VPS8: variants seen among roughly 807,000 people sequenced by gnomAD.
The protein encoded by VPS8 is VPS8 subunit of CORVET complex.
In VPS8, 129 loss-of-function variants were observed where a neutral mutation model predicts 216.4. The ratio of observed to expected loss-of-function variants is 0.60; its 90% CI spans 0.52 to 0.69. The LOEUF (loss-of-function observed/expected upper bound fraction) is 0.69, where lower values mean the gene tolerates loss of function less well. Ranked by LOEUF, VPS8 falls within the 30% of genes least tolerant of loss-of-function variation. The pLI, the probability that VPS8 is intolerant of heterozygous loss-of-function variation, is 0.00. For synonymous variants in VPS8, 571 were observed against 565.4 expected, an observed-to-expected ratio of 1.01 and a Z score of -0.14; for missense variants, 1,531 against 1,683.5, an observed-to-expected ratio of 0.91 and a Z score of 1.59.
At chr3:185,043,481 G>C (rs1163159634) in intron 46 of VPS8, among the ~76,000 whole-genome samples, 1 of 152,138 alleles carries the variant, frequency 6.6e-6, no homozygotes, top group Non-Finnish European at 1.5e-5. Flanking sequence ...TGATATGAGG[G>C]ATATCAACAC....
chr3:184,814,095 T>G (rs1483393532), intron 1 of VPS8, among the ~76,000 whole-genome samples: 1 of 152,276 alleles, frequency 6.6e-6, no homozygotes, highest in African/African-American at 2.4e-5. Context: ...TTCACTGTTA[T>G]GAATTTCTTA....
intron 8 of VPS8, among the ~76,000 whole-genome samples, chr3:184,845,677 C>T (rs907457044): frequency 6.6e-6 from 1 of 151,826 alleles, no homozygotes; most frequent in Non-Finnish European, 1.5e-5. Context: ...ATAGCTTGAA[C>T]CCGGGAAGCA....
chr3:184,823,400 A>G (rs769336698), intron 1 of VPS8, among the ~76,000 whole-genome samples: 9 of 152,178 alleles, frequency 5.9e-5, no homozygotes, highest in Non-Finnish European at 1.5e-5. Context: ...TGCCTTCACT[A>G]ACATGCACAA....
intron 36 of VPS8, among the ~76,000 whole-genome samples, chr3:184,944,960 G>A (rs1003257940): frequency 2.6e-5 from 4 of 151,906 alleles, no homozygotes; most frequent in African/African-American, 7.3e-5. Context: ...GATTATATAT[G>A]TTCATGAACT....
At chr3:184,939,029 C>T (rs1314136296) in intron 35 of VPS8, among the ~76,000 whole-genome samples, 1 of 53,458 alleles carries the variant, frequency 1.9e-5, no homozygotes, top group African/African-American at 6.1e-5. Flanking sequence ...GACCCTGTCT[C>T]AAAAAAAAAA....
Position 184,960,651 on chromosome 3 carries a change from TG to T in VPS8, c.3183+3131del, listed in dbSNP as rs1746355907. Among the ~76,000 whole-genome samples the T allele has an allele frequency of 1.1e-4, 16 of 152,334 alleles. No individual in the cohort carries two copies. The South Asian group carries it at 3.3e-3, about 32-fold the overall frequency. ...ATAAGCTGGTGTATTCTCTCTTTTT[TG>T]TATGCTTCAGGGACCCTCTGCAACA... On this transcript the variant is annotated intron_variant, in intron 37 of 47. Coordinates refer to ENST00000625842, the MANE Select transcript of VPS8 (RefSeq NM_001009921.3).
At chr3:184,873,962 C>G (rs565706649) in intron 21 of VPS8, among the ~76,000 whole-genome samples, 1 of 152,104 alleles carries the variant, frequency 6.6e-6, no homozygotes, top group Non-Finnish European at 1.5e-5. Context: ...AAAACGTGAC[C>G]TTCAGTGCAT....
rs1366255170 is a variant in VPS8, at chr3:184,860,208, G to A, written c.1224+143G>A. 1.7e-5 allele frequency: 12 copies of A among 718,228 alleles called. No homozygotes were observed. The Admixed American group carries it at 2.8e-4, about 16-fold the overall frequency. The allele number at this position is 718,228 out of a possible 1,614,324, so 44.5% of individuals were successfully genotyped here. A position where few individuals can be genotyped will look rare whatever the true frequency, so the allele number is the denominator to read the frequency against. On this transcript the variant is annotated intron_variant, in intron 15 of 47. Coordinates refer to ENST00000625842, the MANE Select transcript of VPS8 (RefSeq NM_001009921.3). Reference sequence around the variant, plus strand: ...TATGGACAGTCCGGCACCGAGGCTCGTGCCTGTAGTCCCAGCTACTTGGGA... The same window carrying A: ...TATGGACAGTCCGGCACCGAGGCTCATGCCTGTAGTCCCAGCTACTTGGGA...
intron 29 of VPS8, among the ~76,000 whole-genome samples, chr3:184,921,658 G>T (rs559075455): frequency 2.6e-5 from 4 of 151,906 alleles, no homozygotes; most frequent in Non-Finnish European, 5.9e-5. Flanking sequence ...ACTACTCCTG[G>T]GTTCAAGCAA....
intron 23 of VPS8, among the ~76,000 whole-genome samples, chr3:184,895,200 TA>T (rs1195550081): frequency 6.6e-6 from 1 of 152,190 alleles, no homozygotes; most frequent in African/African-American, 2.4e-5. Flanking sequence ...AGTTTACATT[TA>T]GAAGTTGCTC....
At chr3:184,970,660 T>C (rs528591955) in intron 39 of VPS8, among the ~76,000 whole-genome samples, 34 of 152,352 alleles carry the variant, frequency 2.2e-4, no homozygotes, top group African/African-American at 7.2e-4. Context: ...GTCTTTGCTC[T>C]GTTTACTTAG....
intron 21 of VPS8, among the ~76,000 whole-genome samples, chr3:184,884,236 C>T (rs186724444): frequency 1.1e-4 from 17 of 152,152 alleles, no homozygotes; most frequent in African/African-American, 3.9e-4. Context: ...CCCGACCCGC[C>T]GACAGACCCT....
intron 25 of VPS8, among the ~76,000 whole-genome samples, chr3:184,905,154 T>C (rs771398869): frequency 6.6e-6 from 1 of 152,158 alleles, no homozygotes; most frequent in African/African-American, 2.4e-5. Flanking sequence ...GGTAGAACCC[T>C]CATGACTTAA....
chr3:185,003,113 TA>T (rs1249885263), intron 45 of VPS8, among the ~76,000 whole-genome samples: 2 of 145,162 alleles, frequency 1.4e-5, no homozygotes, highest in East Asian at 2.0e-4. Flanking sequence ...CAACATCTAA[TA>T]TTTTTTTATT....
chr3:184,864,917 G>C (rs1417216621), intron 16 of VPS8, among the ~76,000 whole-genome samples: 2 of 152,082 alleles, frequency 1.3e-5, no homozygotes, highest in Non-Finnish European at 2.9e-5. Flanking sequence ...AGCAGACAAA[G>C]ACATAGTAGT....
intron 3 of VPS8, among the ~76,000 whole-genome samples, chr3:184,827,397 G>A (rs1429276167): frequency 1.3e-5 from 2 of 152,134 alleles, no homozygotes; most frequent in East Asian, 3.8e-4. Context: ...AGCATTTTTA[G>A]TTTTGATAAA....
chr3:185,027,129 C>G (rs189165756), intron 46 of VPS8, among the ~76,000 whole-genome samples: 2 of 151,846 alleles, frequency 1.3e-5, no homozygotes, highest in African/African-American at 4.8e-5. Context: ...TGATAGTTAC[C>G]GAACACCTTG....
At chr3:185,004,349 G>A (rs1179433291) in intron 45 of VPS8, among the ~76,000 whole-genome samples, 4 of 151,896 alleles carry the variant, frequency 2.6e-5, no homozygotes, top group Admixed American at 6.5e-5. Flanking sequence ...GCGTGGCGGC[G>A]CGCGCCCGCA....
rs186774987 is a variant in VPS8, at chr3:184,948,303, A to G, written c.3035+8060A>G. Among the ~76,000 whole-genome samples the G allele has an allele frequency of 1.1e-3, 173 of 152,136 alleles. 2 individuals are homozygous for G. Among genetic ancestry groups the G allele is most frequent in the African/African-American group, 4.0e-3 (166 of 41,512 alleles). ...TACCTTTAAAAGACTCTACAGGCCAAGAATTCAAGACCAGCCTGGGCAACA... is the reference window on the plus strand; with the variant it reads ...TACCTTTAAAAGACTCTACAGGCCAGGAATTCAAGACCAGCCTGGGCAACA... On this transcript the variant is annotated intron_variant, in intron 36 of 47. Coordinates refer to ENST00000625842, the MANE Select transcript of VPS8 (RefSeq NM_001009921.3).
Sources: allele counts gnomAD v4.1 joint callset (sites outside exome capture counted in the v4.1 genomes callset), GRCh38; gene constraint gnomAD v4.1.1; transcripts MANE v1.5; gene names NCBI Gene and HGNC (gene_info 2026-07-23, HGNC 2026-07-21).